The following ACBD6 variants were observed in gnomAD, a reference collection of about 807,000 sequenced individuals.
ACBD6 encodes the protein acyl-CoA-binding domain-containing protein 6.
A neutral mutation model predicts 37.2 loss-of-function variants in ACBD6; 28 were observed. The ratio of observed to expected loss-of-function variants is 0.75; its 90% CI spans 0.56 to 1.03. The LOEUF (loss-of-function observed/expected upper bound fraction) is 1.03. Among genes scored for constraint, ACBD6 ranks in the 50% least tolerant of loss-of-function variants. The pLI is 0.00. For missense variants in ACBD6, 340 were observed against 337.4 expected, an observed-to-expected ratio of 1.01 and a Z score of -0.06; for synonymous variants, 113 against 126.8, an observed-to-expected ratio of 0.89 and a Z score of 0.73.
intron 6 of ACBD6, among the ~76,000 whole-genome samples, chr1:180,358,543 C>A (rs1198946337): frequency 1.1e-5 from 1 of 93,516 alleles, no homozygotes. Context: ...TTAGCAATAT[C>A]ATACAGAAAC....
chr1:180,276,839 G>C (rs1649063173), intron 9 of ACBD6: 1 of 150,098 alleles, frequency 6.7e-6, no homozygotes, highest in African/African-American at 2.5e-5. Context: ...TTAAAAGGGG[G>C]GGGGGCATCC....
intron 7 of ACBD6, among the ~76,000 whole-genome samples, chr1:180,293,228 G>A (rs1356027782): frequency 6.6e-6 from 1 of 151,552 alleles, no homozygotes; most frequent in Non-Finnish European, 1.5e-5. Context: ...GGGTAATTCT[G>A]GTTTCACAGA....
At chr1:180,456,120 G>A (rs1649911417) in intron 3 of ACBD6, among the ~76,000 whole-genome samples, 1 of 151,714 alleles carries the variant, frequency 6.6e-6, no homozygotes, top group Non-Finnish European at 1.5e-5. Flanking sequence ...GCTGAGGCAG[G>A]GGAATCACAT....
chr1:180,269,783 G>C (rs1281585405), exon 14 of ACBD6: 1 of 152,168 alleles, frequency 6.6e-6, no homozygotes, highest in Non-Finnish European at 1.5e-5. Context: ...AGAAGGGACA[G>C]ACTCCTCAGA....
intron 3 of ACBD6, among the ~76,000 whole-genome samples, chr1:180,445,923 A>G (rs1482972818): frequency 1.3e-5 from 2 of 152,206 alleles, no homozygotes; most frequent in East Asian, 3.8e-4. Context: ...AAATTACATT[A>G]TATTACTTCT....
intron 13 of ACBD6, among the ~76,000 whole-genome samples, chr1:180,272,235 C>T (rs957081111): frequency 6.6e-6 from 1 of 152,088 alleles, no homozygotes; most frequent in Non-Finnish European, 1.5e-5. Context: ...ATGGGCCAGG[C>T]CCCGTCCTGT....
chr1:180,332,159 CA>C (rs751128006), intron 6 of ACBD6, among the ~76,000 whole-genome samples: 30 of 152,184 alleles, frequency 2.0e-4, no homozygotes, highest in Non-Finnish European at 3.8e-4. Flanking sequence ...GCCCTGCTAA[CA>C]ATACATTTCT....
intron 3 of ACBD6, among the ~76,000 whole-genome samples, chr1:180,472,066 C>G (rs1650589933): frequency 1.3e-5 from 2 of 152,150 alleles, no homozygotes; most frequent in South Asian, 4.1e-4. Flanking sequence ...GATATTATTT[C>G]TAAGGTGCTG....
chr1:180,278,116 C>T (rs1417173827), intron 9 of ACBD6: 1 of 152,188 alleles, frequency 6.6e-6, no homozygotes, highest in Non-Finnish European at 1.5e-5. Flanking sequence ...TTCCACGTGC[C>T]ACGACTGACA....
intron 6 of ACBD6, among the ~76,000 whole-genome samples, chr1:180,320,400 CTGAGGCAGATGGATCACT>C (rs1651022179): frequency 6.6e-6 from 1 of 152,184 alleles, no homozygotes; most frequent in Non-Finnish European, 1.5e-5. Context: ...CTTTGGGAGG[CTGAGGCAGATGGATCACT>C]TGAGGCCAGG....
At chr1:180,396,453 T>C (rs1335018065) in intron 6 of ACBD6, among the ~76,000 whole-genome samples, 1 of 151,780 alleles carries the variant, frequency 6.6e-6, no homozygotes, top group Non-Finnish European at 1.5e-5. Flanking sequence ...ATGATAGAGT[T>C]CATCAAAATT....
chr1:180,347,136 A>C (rs373145253), intron 6 of ACBD6, among the ~76,000 whole-genome samples: 3 of 152,228 alleles, frequency 2.0e-5, no homozygotes, highest in South Asian at 4.1e-4. Context: ...CAGTGTTAGT[A>C]GTAAAGAGCT....
At chr1:180,381,087 T>C (rs1451307574) in intron 6 of ACBD6, among the ~76,000 whole-genome samples, 1 of 151,920 alleles carries the variant, frequency 6.6e-6, no homozygotes, top group Non-Finnish European at 1.5e-5. Flanking sequence ...TCAGACAAAA[T>C]GAACTTTAAG....
At chr1:180,271,091 C>A in exon 14 of ACBD6, 2 of 491,426 alleles carry the variant, frequency 4.1e-6, no homozygotes, top group Non-Finnish European at 7.5e-6. Flanking sequence ...TGGGTACATT[C>A]AATCTGATGA....
chr1:180,346,471 G>C (rs976463379), intron 6 of ACBD6, among the ~76,000 whole-genome samples: 1 of 152,126 alleles, frequency 6.6e-6, no homozygotes, highest in African/African-American at 2.4e-5. Flanking sequence ...TTTCATGATG[G>C]AGGGCAGAGA....
chr1:180,472,940 T>C (rs949805708), intron 3 of ACBD6, among the ~76,000 whole-genome samples: 1 of 152,074 alleles, frequency 6.6e-6, no homozygotes, highest in African/African-American at 2.4e-5. Flanking sequence ...ACAAAGACTA[T>C]ACAGTACTTG....
At chr1:180,404,762 G>A (rs72714861) in intron 5 of ACBD6, among the ~76,000 whole-genome samples, 24,028 of 152,134 alleles carry the variant, frequency 0.16, 1,963 homozygotes, top group Middle Eastern at 0.22. Flanking sequence ...CTGGCCTCAT[G>A]TGAGCATATT....
intron 6 of ACBD6, among the ~76,000 whole-genome samples, chr1:180,333,393 G>A (rs1035970083): frequency 4.6e-5 from 7 of 152,146 alleles, no homozygotes; most frequent in East Asian, 1.9e-4. Context: ...GCTATTGCAT[G>A]CTCATGACAA....
chr1:180,390,719 G>A (rs573960390), intron 6 of ACBD6, among the ~76,000 whole-genome samples: 76 of 152,058 alleles, frequency 5.0e-4, no homozygotes, highest in Non-Finnish European at 7.1e-4. Context: ...GGTCCTTCAC[G>A]TCCCTTGTAA....
Sources: gnomAD v4.1 joint callset for allele counts (sites outside exome capture counted in the v4.1 genomes callset) on GRCh38, gnomAD v4.1.1 for gene constraint, MANE v1.5 for transcripts, NCBI Gene and HGNC (gene_info 2026-07-23, HGNC 2026-07-21) for gene names.